Variants in NGF observed in about 807,000 individuals in gnomAD.
NGF encodes beta-nerve growth factor.
In NGF, 4 loss-of-function variants were observed where a neutral mutation model predicts 12.8. That is an observed-to-expected ratio of 0.31 (90% confidence interval 0.15 to 0.72). The LOEUF (loss-of-function observed/expected upper bound fraction) is 0.72. Ranked by LOEUF, NGF falls within the 30% of genes least tolerant of loss-of-function variation. The pLI is 0.69. For missense variants in NGF, 283 were observed against 330.8 expected (o/e 0.86, Z 1.12); for synonymous variants, 140 against 130.0 (o/e 1.08, Z -0.52).
intron 1 of NGF, among the ~76,000 whole-genome samples, chr1:115,335,684 G>A (rs901195854): frequency 6.6e-6 from 1 of 152,228 alleles, no homozygotes; most frequent in African/African-American, 2.4e-5. Context: ...GTCAGTGAAA[G>A]TTCTTACTTG....
At chr1:115,321,773 T>C (rs1654635641) in intron 1 of NGF, among the ~76,000 whole-genome samples, 1 of 152,200 alleles carries the variant, frequency 6.6e-6, no homozygotes, top group Non-Finnish European at 1.5e-5. Context: ...AGATTCATCC[T>C]AGTGATTCTT....
chr1:115,286,560 T>C lies in NGF; in HGVS notation c.236A>G (p.Lys79Arg). 6.2e-7 allele frequency: 1 copy of C among 1,614,192 alleles called. No individual in the cohort carries two copies. Among genetic ancestry groups the C allele is most frequent in the Non-Finnish European group, 8.5e-7 (1 of 1,180,026 alleles). ...NITVDPRLFKKRRLRSPRVLF... is the reference protein window; with the variant it reads ...NITVDPRLFKRRRLRSPRVLF... ...CACACGGGGTGAACGGAGTCGCCGC[T>C]TTTTAAACAGCCTGGGGTCCACAGT... Residue 79 changes from lysine (K) to arginine (R), a missense_variant, in exon 3 of 3, where the codon AAG (lysine) becomes AGG (arginine). Lys to Arg is a conservative substitution (Grantham distance 26). This residue lies in a region of NGF where 151 missense variants were observed against 141.6 expected (regional missense o/e 1.07). Coordinates refer to ENST00000369512, the MANE Select transcript of NGF (RefSeq NM_002506.3).
At chr1:115,311,304 T>A (rs1166057290) in intron 1 of NGF, among the ~76,000 whole-genome samples, 2 of 152,230 alleles carry the variant, frequency 1.3e-5, no homozygotes, top group African/African-American at 4.8e-5. Context: ...AATTTCAGAT[T>A]TAAACTTGGA....
intron 1 of NGF, among the ~76,000 whole-genome samples, chr1:115,299,544 C>A (rs1388924619): frequency 6.6e-6 from 1 of 152,132 alleles, no homozygotes; most frequent in Non-Finnish European, 1.5e-5. Flanking sequence ...TGGGTAATTA[C>A]AACAACATTA....
chr1:115,309,523 C>G (rs1429922486), intron 1 of NGF, among the ~76,000 whole-genome samples: 1 of 152,018 alleles, frequency 6.6e-6, no homozygotes, highest in Non-Finnish European at 1.5e-5. Flanking sequence ...TTTGCTGCAC[C>G]CATCAACCTG....
chr1:115,286,954 C>G (rs1653530610), intron 2 of NGF, 147 bp from the exon 3 acceptor site: 1 of 1,011,040 alleles, frequency 9.9e-7, no homozygotes, highest in African/African-American at 1.6e-5. Flanking sequence ...AAAGGGTGTG[C>G]TAGCAATGGT....
At chr1:115,289,799 C>T (rs145753205) in intron 2 of NGF, among the ~76,000 whole-genome samples, 24 of 152,292 alleles carry the variant, frequency 1.6e-4, no homozygotes, top group African/African-American at 5.5e-4. Context: ...CTGGAACCAT[C>T]ATTCATTCAT....
intron 2 of NGF, among the ~76,000 whole-genome samples, chr1:115,289,117 C>A (rs1433026218): frequency 6.6e-6 from 1 of 152,188 alleles, no homozygotes; most frequent in African/African-American, 2.4e-5. Context: ...ATTACCAGAT[C>A]TGTTGGCTAA....
rs547273394 is a variant in NGF at position 115,329,452 on chromosome 1, C to T, written c.-137+8752G>A. 1.3e-3 allele frequency among the ~76,000 whole-genome samples: 191 copies of T among 152,248 alleles called. 1 individual carries two copies. The highest frequency in any genetic ancestry group is 2.0e-3 in the Non-Finnish European group (137 of 68,010). On this transcript the variant is annotated intron_variant, in intron 1 of 2. Transcript: ENST00000369512. Reference sequence around the variant, plus strand: ...AAGCTTGCCTGGCTTCAGAGCCATCCGCTGTTCGAAATCATGCTGTTGTCT... The same window carrying T: ...AAGCTTGCCTGGCTTCAGAGCCATCTGCTGTTCGAAATCATGCTGTTGTCT...
At chr1:115,310,581 T>A (rs1002906223) in intron 1 of NGF, among the ~76,000 whole-genome samples, 1 of 152,140 alleles carries the variant, frequency 6.6e-6, no homozygotes, top group Admixed American at 6.5e-5. Flanking sequence ...CAAGTTACAG[T>A]CTTACCATGT....
chr1:115,304,329 A>ATTT lies in NGF; in HGVS notation c.-136-10582_-136-10580dup, dbSNP rs58345237. Among the ~76,000 whole-genome samples, 333 of 80,826 alleles carry ATTT rather than the reference A, an allele frequency of 4.1e-3. 12 individuals are homozygous for ATTT. Among genetic ancestry groups the ATTT allele is most frequent in the Middle Eastern group, 0.027 (4 of 146 alleles). 53.0% of individuals were successfully genotyped at this position (80,826 alleles called of 152,430 possible). A position where few individuals can be genotyped will look rare whatever the true frequency, so the allele number is the denominator to read the frequency against. ...AGGAGCGCACCACCATGCTTGGCTA[A>ATTT]TTTTTTTTTTTTTTTTGTATTTTTA... On this transcript the variant is annotated intron_variant, in intron 1 of 2. Transcript: ENST00000369512.
rs149823633 is a variant in NGF at position 115,286,351 on chromosome 1, C to T, written c.445G>A (p.Ala149Thr). 14 of 1,614,022 alleles carry T rather than the reference C, an allele frequency of 8.7e-6. No homozygotes were observed. The highest frequency in any genetic ancestry group is 4.5e-5 in the East Asian group (2 of 44,886). ...ACCTCCTTGCCCTTGATGTCTGTGG[C>T]GGTGGTCTTATCCCCAACCCACACG... ...VSVWVGDKTT[A>T]TDIKGKEVMV... Residue 149 changes from alanine to threonine, a missense_variant, in exon 3 of 3, where the codon GCC becomes ACC. Ala to Thr is a moderately conservative substitution (Grantham distance 58). This residue lies in a region of NGF where 132 missense variants were observed against 189.2 expected (regional missense o/e 0.70). Transcript: ENST00000369512.
intron 1 of NGF, among the ~76,000 whole-genome samples, chr1:115,326,332 T>C (rs1654777327): frequency 6.6e-6 from 1 of 152,130 alleles, no homozygotes; most frequent in South Asian, 2.1e-4. Flanking sequence ...TCAATGGTGG[T>C]GGCAATGGTA....
intron 1 of NGF, among the ~76,000 whole-genome samples, chr1:115,294,113 G>C (rs1211003129): frequency 6.6e-6 from 1 of 152,212 alleles, no homozygotes; most frequent in Non-Finnish European, 1.5e-5. Flanking sequence ...TACACATGCA[G>C]ACATAACAGA....
chr1:115,333,499 T>TAAAAAAAAAAAA (rs34024301), intron 1 of NGF, among the ~76,000 whole-genome samples: 1 of 76,602 alleles, frequency 1.3e-5, no homozygotes, highest in African/African-American at 5.0e-5. Context: ...ATAGTACTAC[T>TAAAAAAAAAAAA]AAAAAAAAAA....
intron 1 of NGF, among the ~76,000 whole-genome samples, chr1:115,337,285 T>TTTTTTG (rs1655151901): frequency 3.8e-5 from 5 of 131,194 alleles, no homozygotes; most frequent in Admixed American, 7.5e-5. Flanking sequence ...TTTTTTTTTT[T>TTTTTTG]TTTTTTTTTT....
At chr1:115,305,595 A>G (rs1355892370) in intron 1 of NGF, among the ~76,000 whole-genome samples, 1 of 152,132 alleles carries the variant, frequency 6.6e-6, no homozygotes, top group Non-Finnish European at 1.5e-5. Context: ...GAGTTTGTAA[A>G]ATATCTTGGC....
At chr1:115,333,710 T>TTTCTTTCC (rs1655012742) in intron 1 of NGF, among the ~76,000 whole-genome samples, 1 of 52,440 alleles carries the variant, frequency 1.9e-5, no homozygotes, top group Non-Finnish European at 3.3e-5. Flanking sequence ...TCTTTCTTTC[T>TTTCTTTCC]TTCTTTTCTT....
At chr1:115,298,194 GT>G (rs1203006239) in intron 1 of NGF, among the ~76,000 whole-genome samples, 1 of 152,126 alleles carries the variant, frequency 6.6e-6, no homozygotes, top group African/African-American at 2.4e-5. Context: ...GAAGGTTTTT[GT>G]TTGTTTTACT....
Sources: allele counts gnomAD v4.1 joint callset (sites outside exome capture counted in the v4.1 genomes callset), GRCh38; gene constraint gnomAD v4.1.1; regional missense constraint gnomAD v4.1.1; transcripts MANE v1.5; gene names NCBI Gene and HGNC (gene_info 2026-07-23, HGNC 2026-07-21).